Variants in CNTN5 observed in about 807,000 individuals in gnomAD.
CNTN5 encodes the protein contactin-5.
CNTN5 carries 77 observed loss-of-function variants against 129.1 expected under a neutral mutation model. That is an observed-to-expected ratio of 0.60 (90% confidence interval 0.50 to 0.72). The LOEUF (loss-of-function observed/expected upper bound fraction) is 0.72. Ranked by LOEUF, CNTN5 falls within the 30% of genes least tolerant of loss-of-function variation. CNTN5 has a pLI of 0.00. For missense variants in CNTN5, 1,478 were observed against 1,328.8 expected (o/e 1.11, Z -1.75); for synonymous variants, 509 against 465.6 (o/e 1.09, Z -1.20).
chr11:99,881,661 G>A (rs892609408), intron 6 of CNTN5, among the ~76,000 whole-genome samples: 18 of 152,296 alleles, frequency 1.2e-4, no homozygotes, highest in African/African-American at 2.4e-4. Context: ...TAAAGGGGGG[G>A]AGCTGGCTTA....
At chr11:99,643,086 C>G (rs1286533560) in intron 3 of CNTN5, among the ~76,000 whole-genome samples, 1 of 152,110 alleles carries the variant, frequency 6.6e-6, no homozygotes, top group Non-Finnish European at 1.5e-5. Flanking sequence ...CTGTGGAACA[C>G]TGATTTTATT....
At chr11:99,735,142 T>TC (rs775178386) in intron 3 of CNTN5, among the ~76,000 whole-genome samples, 5 of 152,256 alleles carry the variant, frequency 3.3e-5, no homozygotes, top group Non-Finnish European at 5.9e-5. Context: ...GGCATTGTTG[T>TC]AAGATCCTGT....
chr11:100,044,471 T>C (rs1942558662), intron 9 of CNTN5, among the ~76,000 whole-genome samples: 1 of 149,624 alleles, frequency 6.7e-6, no homozygotes, highest in South Asian at 2.1e-4. Context: ...GCATTCCCTT[T>C]TCTCTGCAAC....
chr11:99,693,613 T>C (rs185272205), intron 3 of CNTN5, among the ~76,000 whole-genome samples: 49 of 152,020 alleles, frequency 3.2e-4, no homozygotes, highest in Admixed American at 2.4e-3. Context: ...CAATAGAGGA[T>C]AGTGAGAGAC....
intron 2 of CNTN5, among the ~76,000 whole-genome samples, chr11:99,420,072 T>C (rs1406935731): frequency 7.9e-5 from 12 of 152,030 alleles, no homozygotes. Context: ...ACATGTCTAG[T>C]GTTAAAAAAT....
rs566360653 is a variant in CNTN5, at chr11:100,002,337, C to T, written c.980+201C>T. ...TAGTCATTTCTATGGACAACAGTTT[C>T]TATAATTTTGCTATTTTAACATAAA... On this transcript the variant is annotated intron_variant, in intron 9 of 24. Transcript: ENST00000524871. Among the ~76,000 whole-genome samples, 150 of 152,108 alleles carry T rather than the reference C, an allele frequency of 9.9e-4. 1 individual carries two copies. In the Middle Eastern group the frequency reaches 0.017, roughly 17 times the overall value.
intron 15 of CNTN5, among the ~76,000 whole-genome samples, chr11:100,198,435 A>G (rs750685283): frequency 6.6e-6 from 1 of 150,470 alleles, no homozygotes; most frequent in Non-Finnish European, 1.5e-5. Context: ...CACACACACA[A>G]TAGCTCACTG....
intron 18 of CNTN5, among the ~76,000 whole-genome samples, chr11:100,280,065 C>A (rs1236172764): frequency 6.6e-6 from 1 of 151,380 alleles, no homozygotes; most frequent in South Asian, 2.1e-4. Context: ...CTTCATTGAC[C>A]CATGGGTCAT....
chr11:99,667,486 A>G (rs1348524943), intron 3 of CNTN5, among the ~76,000 whole-genome samples: 1 of 152,200 alleles, frequency 6.6e-6, no homozygotes, highest in Non-Finnish European at 1.5e-5. Context: ...AGTTAAATAA[A>G]ATTTTGGCTC....
intron 15 of CNTN5, among the ~76,000 whole-genome samples, chr11:100,205,334 T>C (rs543080004): frequency 6.6e-6 from 1 of 152,198 alleles, no homozygotes; most frequent in East Asian, 1.9e-4. Context: ...ATGGACTATT[T>C]TTATCATATT....
At chr11:99,707,778 C>G (rs608426) in intron 3 of CNTN5, among the ~76,000 whole-genome samples, 1 of 151,254 alleles carries the variant, frequency 6.6e-6, no homozygotes. Context: ...AATGTTTAGC[C>G]TTCCCATATA....
intron 1 of CNTN5, among the ~76,000 whole-genome samples, chr11:99,134,399 G>A (rs1477046448): frequency 6.6e-6 from 1 of 151,990 alleles, no homozygotes; most frequent in Non-Finnish European, 1.5e-5. Flanking sequence ...TTGCACCCTG[G>A]AACATAAAAA....
chr11:99,670,382 A>T (rs529140768), intron 3 of CNTN5, among the ~76,000 whole-genome samples: 1 of 152,266 alleles, frequency 6.6e-6, no homozygotes, highest in Admixed American at 6.5e-5. Context: ...ATTTATCTGC[A>T]TCTCCGGTTT....
intron 1 of CNTN5, among the ~76,000 whole-genome samples, chr11:99,130,971 G>A (rs914091944): frequency 3.3e-5 from 5 of 151,974 alleles, no homozygotes; most frequent in Admixed American, 2.0e-4. Flanking sequence ...GTGTTAAGAG[G>A]GAAATTTATG....
chr11:99,442,838 A>G (rs17133543), intron 2 of CNTN5, among the ~76,000 whole-genome samples: 3,475 of 152,318 alleles, frequency 0.023, 189 homozygotes, highest in East Asian at 0.15. Context: ...GTGATACAAA[A>G]CATGACTACT....
In CNTN5 at chr11:99,453,343, C is replaced by T. The variant is rs1381046192; in HGVS notation, c.-70-102802C>T. Among the ~76,000 whole-genome samples the T allele has an allele frequency of 2.6e-5, 4 of 152,206 alleles. No individual in the cohort carries two copies. In the East Asian group the frequency reaches 7.7e-4, roughly 29 times the overall value. On this transcript the variant is annotated intron_variant, in intron 2 of 24. Transcript: ENST00000524871. ...AAAAACTTGTAGAGAAAGTTGAGAACAGTGAATGAGAAAATACCTGAAGCA... is the reference window on the plus strand; with the variant it reads ...AAAAACTTGTAGAGAAAGTTGAGAATAGTGAATGAGAAAATACCTGAAGCA...
intron 1 of CNTN5, among the ~76,000 whole-genome samples, chr11:99,300,387 C>T (rs1864582760): frequency 6.6e-6 from 1 of 151,832 alleles, no homozygotes; most frequent in Non-Finnish European, 1.5e-5. Context: ...ATATGATTTT[C>T]ATTTTTATTC....
intron 21 of CNTN5, among the ~76,000 whole-genome samples, chr11:100,326,697 GATA>G (rs1951794467): frequency 6.6e-6 from 1 of 152,062 alleles, no homozygotes; most frequent in Admixed American, 6.6e-5. Flanking sequence ...AATAAATTAG[GATA>G]ATTTCACATG....
chr11:99,945,541 A>G (rs1166559376), intron 7 of CNTN5, among the ~76,000 whole-genome samples: 2 of 150,906 alleles, frequency 1.3e-5, no homozygotes, highest in Non-Finnish European at 3.0e-5. Flanking sequence ...TTCAATAATA[A>G]TGACATTTTG....
Sources: gnomAD v4.1 joint callset for allele counts (sites outside exome capture counted in the v4.1 genomes callset) on GRCh38, gnomAD v4.1.1 for gene constraint, MANE v1.5 for transcripts, NCBI Gene and HGNC (gene_info 2026-07-23, HGNC 2026-07-21) for gene names.